The following RAPGEF5 variants were observed in gnomAD, a reference collection of about 807,000 sequenced individuals.
RAPGEF5 encodes Rap guanine nucleotide exchange factor 5, also known as M-Ras-regulated GEF.
A neutral mutation model predicts 125.2 loss-of-function variants in RAPGEF5; 65 were observed. The ratio of observed to expected loss-of-function variants is 0.52; its 90% CI spans 0.43 to 0.64. RAPGEF5 has a LOEUF of 0.64. Ranked by LOEUF, RAPGEF5 falls within the 30% of genes least tolerant of loss-of-function variation. The pLI is 0.00. For synonymous variants in RAPGEF5, 391 were observed against 385.9 expected, an observed-to-expected ratio of 1.01 and a Z score of -0.16; for missense variants, 958 against 1,048.1, an observed-to-expected ratio of 0.91 and a Z score of 1.19.
intron 7 of RAPGEF5, among the ~76,000 whole-genome samples, 182 bp from the exon 8 acceptor site, chr7:22,231,101 C>T (rs1229186630): frequency 6.6e-6 from 1 of 152,154 alleles, no homozygotes; most frequent in Admixed American, 6.5e-5. Context: ...ACTTCTCCTG[C>T]ATATTATCTC....
At chr7:22,231,052 T>C in intron 7 of RAPGEF5, 133 bp from the exon 8 acceptor site, 1 of 855,782 alleles carries the variant, frequency 1.2e-6, no homozygotes, top group South Asian at 1.6e-5. Flanking sequence ...GGCATTATTT[T>C]TTGTTAATCA....
At chr7:22,216,015 T>C (rs1026883025) in intron 9 of RAPGEF5, among the ~76,000 whole-genome samples, 4 of 152,192 alleles carry the variant, frequency 2.6e-5, no homozygotes, top group African/African-American at 7.2e-5. Flanking sequence ...TCCTTACAAA[T>C]TGCTTAATAT....
chr7:22,341,926 G>A (rs1353937248), intron 1 of RAPGEF5, among the ~76,000 whole-genome samples: 1 of 152,198 alleles, frequency 6.6e-6, no homozygotes, highest in African/African-American at 2.4e-5. Context: ...CTGGGGTCTG[G>A]AGGACAGTGG....
intron 5 of RAPGEF5, chr7:22,298,618 G>C (rs1173172050): frequency 6.6e-6 from 1 of 152,186 alleles, no homozygotes; most frequent in Non-Finnish European, 1.5e-5. Context: ...AACCCTGAAG[G>C]TGCCTGATCT....
At chr7:22,281,996 A>G (rs2128144960) in intron 6 of RAPGEF5, among the ~76,000 whole-genome samples, 1 of 152,306 alleles carries the variant, frequency 6.6e-6, no homozygotes, top group African/African-American at 2.4e-5. Context: ...CCATTCCTCA[A>G]ACATATCCCA....
At chr7:22,272,377 G>GA (rs896368443) in intron 6 of RAPGEF5, among the ~76,000 whole-genome samples, 21 of 96,172 alleles carry the variant, frequency 2.2e-4, no homozygotes, top group Non-Finnish European at 4.3e-4. Flanking sequence ...GGAAAAAAAA[G>GA]AAAAAAAAAT....
At chr7:22,249,835 G>A (rs929789818) in intron 7 of RAPGEF5, among the ~76,000 whole-genome samples, 4 of 152,138 alleles carry the variant, frequency 2.6e-5, no homozygotes, top group Non-Finnish European at 5.9e-5. Flanking sequence ...GAATCACTGA[G>A]GGCTAACGGC....
chr7:22,143,368 T>C (rs1225991606), intron 20 of RAPGEF5, among the ~76,000 whole-genome samples: 1 of 152,178 alleles, frequency 6.6e-6, no homozygotes, highest in African/African-American at 2.4e-5. Context: ...TTCAACGTGC[T>C]AGTTTCAGAC....
chr7:22,333,798 G>A (rs540748174), intron 1 of RAPGEF5, among the ~76,000 whole-genome samples: 8 of 144,006 alleles, frequency 5.6e-5, no homozygotes, highest in Admixed American at 2.8e-4. Context: ...TATAACTGCC[G>A]TGCTGGCACT....
At chr7:22,270,095 A>C (rs1782383154) in intron 6 of RAPGEF5, among the ~76,000 whole-genome samples, 1 of 152,344 alleles carries the variant, frequency 6.6e-6, no homozygotes, top group South Asian at 2.1e-4. Flanking sequence ...TTGACCAGGA[A>C]CTGACCTTTG....
At chr7:22,273,248 T>G (rs1156571161) in intron 6 of RAPGEF5, among the ~76,000 whole-genome samples, 15 of 138,472 alleles carry the variant, frequency 1.1e-4, no homozygotes, top group Admixed American at 6.9e-4. Flanking sequence ...AGACAGAGTC[T>G]GGCTCTGTCG....
intron 6 of RAPGEF5, among the ~76,000 whole-genome samples, chr7:22,276,665 C>G (rs1782562524): frequency 6.6e-6 from 1 of 152,174 alleles, no homozygotes; most frequent in African/African-American, 2.4e-5. Context: ...AGATTCAGAA[C>G]CCGAGATCCA....
chr7:22,136,852 T>C, intron 22 of RAPGEF5, 81 bp downstream of exon 22: 15 of 1,215,944 alleles, frequency 1.2e-5, no homozygotes, highest in Non-Finnish European at 1.8e-5. Context: ...AGAGTACAAA[T>C]ACCACCCACT....
Position 22,125,613 on chromosome 7 carries a change from T to G in RAPGEF5, c.2527A>C (p.Asn843His). 1.2e-6 allele frequency: 2 copies of G among 1,611,226 alleles called. No individual in the cohort carries two copies. The highest frequency in any genetic ancestry group is 2.2e-5 in the East Asian group (1 of 44,870). Reference sequence around the variant, plus strand: ...GACTTCAATTACTCACCAAACTGGTTAGTCCTGCAGTGTCTCAGGGTTCGG... The same window carrying G: ...GACTTCAATTACTCACCAAACTGGTGAGTCCTGCAGTGTCTCAGGGTTCGG... ...TVRTLRHCRT[N>H]QFGDLSPKEH... Residue 843 changes from asparagine (N) to histidine (H), a missense_variant, in exon 25 of 26, where the codon AAC becomes CAC. Asn to His is a moderately conservative substitution (Grantham distance 68). Coordinates refer to ENST00000665637, the MANE Select transcript of RAPGEF5 (RefSeq NM_012294.5).
At chr7:22,139,085 G>A (rs1323522271) in intron 21 of RAPGEF5, among the ~76,000 whole-genome samples, 1 of 152,138 alleles carries the variant, frequency 6.6e-6, no homozygotes, top group East Asian at 1.9e-4. Context: ...GAAAGAAAGC[G>A]AATCCACAGG....
chr7:22,200,368 G>A (rs987105011), intron 9 of RAPGEF5, among the ~76,000 whole-genome samples: 2 of 152,172 alleles, frequency 1.3e-5, no homozygotes, highest in Non-Finnish European at 2.9e-5. Flanking sequence ...ATGATTAAGA[G>A]AGAGATTAAG....
At chr7:22,170,009 T>A (rs991909136) in intron 11 of RAPGEF5, among the ~76,000 whole-genome samples, 2 of 149,472 alleles carry the variant, frequency 1.3e-5, no homozygotes. Flanking sequence ...AGACTCTGTC[T>A]CAAAAAAAAA....
At chr7:22,123,668 G>C (rs1475531960) in intron 25 of RAPGEF5, among the ~76,000 whole-genome samples, 1 of 152,166 alleles carries the variant, frequency 6.6e-6, no homozygotes, top group Admixed American at 6.5e-5. Flanking sequence ...AGGCTTCCTG[G>C]TTTTAGCAAG....
chr7:22,194,495 G>A, intron 9 of RAPGEF5: 1 of 759,118 alleles, frequency 1.3e-6, no homozygotes, highest in East Asian at 1.3e-4. Context: ...CTATTCAGTA[G>A]TTGCAATCAA....
Sources: gnomAD v4.1 joint callset for allele counts (sites outside exome capture counted in the v4.1 genomes callset) on GRCh38, gnomAD v4.1.1 for gene constraint, MANE v1.5 for transcripts, NCBI Gene and HGNC (gene_info 2026-07-23, HGNC 2026-07-21) for gene names.